The following NFE2L3 variants were observed in gnomAD, a reference collection of about 807,000 sequenced individuals.
NFE2L3 encodes NFE2 like bZIP transcription factor 3.
A neutral mutation model predicts 23.5 loss-of-function variants in NFE2L3; 18 were observed. That is an observed-to-expected ratio of 0.77 (90% confidence interval 0.53 to 1.13). NFE2L3 has a LOEUF of 1.13. Ranked by LOEUF, NFE2L3 falls within the 50% of genes most tolerant of loss-of-function variation. The pLI is 0.00. For synonymous variants in NFE2L3, 424 were observed against 354.5 expected, an observed-to-expected ratio of 1.20 and a Z score of -2.20; for missense variants, 1,152 against 877.2, an observed-to-expected ratio of 1.31 and a Z score of -3.96.
intron 1 of NFE2L3, among the ~76,000 whole-genome samples, chr7:26,160,652 A>T (rs1784153570): frequency 6.6e-6 from 1 of 152,232 alleles, no homozygotes; most frequent in Non-Finnish European, 1.5e-5. Context: ...TTTTGCTCTT[A>T]AAGCTCTCCA....
intron 1 of NFE2L3, among the ~76,000 whole-genome samples, chr7:26,159,066 G>A (rs890401307): frequency 2.6e-5 from 4 of 152,152 alleles, no homozygotes; most frequent in African/African-American, 7.2e-5. Context: ...ACCTTGGTTC[G>A]TCTCTCTGCG....
In NFE2L3 at chr7:26,184,781, G is replaced by A; in HGVS notation, c.1083G>A (p.Leu361=). 1.9e-6 allele frequency: 3 copies of A among 1,613,880 alleles called. No homozygotes were observed. The highest frequency in any genetic ancestry group is 1.7e-6 in the Non-Finnish European group (2 of 1,179,838). The change falls in exon 4 of 4, where the codon TTG becomes TTA. Residue 361 remains leucine, a synonymous_variant. Transcript: ENST00000056233. ...AGCAAACCCTTCCTGGAACTAATTT[G>A]ACAGGATTTCTTTCACCGGTTGACA... ...NPEQTLPGTN[L]TGFLSPVDNH... is the part of the protein sequence containing the mutation.
rs1260118193 is a variant in NFE2L3, at chr7:26,185,517, G to A, written c.1819G>A (p.Glu607Lys). Reference protein sequence around the residue: ...KRKLDIILNLEDDVCNLQAKK... With the variant: ...KRKLDIILNLKDDVCNLQAKK... The stretch of plus-strand genomic sequence containing the variant: ...CAAATTGGACATAATTTTGAATTTA[G>A]AAGATGATGTATGTAACTTGCAAGC... The change falls in exon 4 of 4, where the codon GAA (glutamate) becomes AAA (lysine). Residue 607 changes from glutamate (E) to lysine (K), a missense_variant. Coordinates refer to ENST00000056233, the MANE Select transcript of NFE2L3 (RefSeq NM_004289.7). 1 of 1,613,874 alleles carries A rather than the reference G, an allele frequency of 6.2e-7. No individual in the cohort carries two copies.
chr7:26,162,624 C>T (rs1267670339), intron 1 of NFE2L3, among the ~76,000 whole-genome samples: 1 of 152,128 alleles, frequency 6.6e-6, no homozygotes, highest in Non-Finnish European at 1.5e-5. Context: ...CTCTTATGTC[C>T]TAGCTTCACC....
At chr7:26,184,271 ATTAGAC>A (rs1282530383) in intron 3 of NFE2L3, 1 of 433,878 alleles carries the variant, frequency 2.3e-6, no homozygotes, top group Non-Finnish European at 4.1e-6. Flanking sequence ...AGATTGTAAC[ATTAGAC>A]TTTTTAAGAA....
chr7:26,167,964 G>C (rs893555374), intron 1 of NFE2L3, among the ~76,000 whole-genome samples: 1 of 151,924 alleles, frequency 6.6e-6, no homozygotes, highest in African/African-American at 2.4e-5. Context: ...TTTCCAAACA[G>C]GTGGTGTGTG....
At chr7:26,159,154 A>C in intron 1 of NFE2L3, among the ~76,000 whole-genome samples, 1 of 152,100 alleles carries the variant, frequency 6.6e-6, no homozygotes, top group East Asian at 1.9e-4. Flanking sequence ...CTTGTGGCTT[A>C]TGTGACCCAG....
At chr7:26,184,298 G>C (rs1782418066) in intron 3 of NFE2L3, 1 of 486,394 alleles carries the variant, frequency 2.1e-6, no homozygotes, top group Admixed American at 3.8e-5. Flanking sequence ...AATCCAGTCA[G>C]CTTTTATACT....
At chr7:26,177,836 T>C in intron 1 of NFE2L3, 107 bp from the exon 2 acceptor site, 1 of 928,406 alleles carries the variant, frequency 1.1e-6, no homozygotes, top group African/African-American at 1.7e-5. Flanking sequence ...AATATTGAAA[T>C]GCCGGTCTTA....
intron 2 of NFE2L3, among the ~76,000 whole-genome samples, chr7:26,182,878 C>A (rs1213930520): frequency 1.3e-5 from 2 of 152,210 alleles, no homozygotes; most frequent in African/African-American, 4.8e-5. Context: ...ACTGCAGCCT[C>A]AACCTCCTGG....
chr7:26,171,341 C>T (rs949829206), intron 1 of NFE2L3, among the ~76,000 whole-genome samples: 3 of 152,020 alleles, frequency 2.0e-5, no homozygotes, highest in Non-Finnish European at 4.4e-5. Flanking sequence ...GTCAGGAGTT[C>T]GAGACCAACT....
At position 26,185,169 on chromosome 7, in the gene NFE2L3, T is replaced by C. The variant is rs750633448; in HGVS notation, c.1471T>C (p.Phe491Leu). 1 of 1,613,872 alleles carries C rather than the reference T, an allele frequency of 6.2e-7. No individual in the cohort carries two copies. The highest frequency in any genetic ancestry group is 8.5e-7 in the Non-Finnish European group (1 of 1,179,836). ...TTCTGATTTCCATGGAGATCTTACATTTCAACACGTATTTCATAACCACAC... is the reference window on the plus strand; with the variant it reads ...TTCTGATTTCCATGGAGATCTTACACTTCAACACGTATTTCATAACCACAC... ...SDSDFHGDLT[F>L]QHVFHNHTYH... The change falls in exon 4 of 4, where the codon TTT becomes CTT. Residue 491 changes from phenylalanine (F) to leucine (L), a missense_variant. Physicochemically the swap from Phe to Leu is conservative, Grantham distance 22. Transcript: ENST00000056233.
rs1280239595 is a variant in NFE2L3 at position 26,157,344 on chromosome 7, A to ATT, written c.570+4289_570+4290dup. Among the ~76,000 whole-genome samples, 139 of 143,368 alleles carry ATT rather than the reference A, an allele frequency of 9.7e-4. 1 individual carries two copies. The highest frequency in any genetic ancestry group is 3.5e-3 in the African/African-American group (137 of 39,284). The allele number at this position is 143,368 out of a possible 152,430, so 94.1% of individuals were successfully genotyped here. A position where few individuals can be genotyped will look rare whatever the true frequency, so the allele number is the denominator to read the frequency against. On this transcript the variant is annotated intron_variant, in intron 1 of 3. Transcript: ENST00000056233. Reference sequence around the variant, plus strand: ...AGACGCGCACCACTGCTTCTGGCTGATTTTTTTTTTTTTTAATAGAAATAA... The same window carrying ATT: ...AGACGCGCACCACTGCTTCTGGCTGATTTTTTTTTTTTTTTTAATAGAAATAA...
chr7:26,184,087 C>T (rs1583941006), intron 3 of NFE2L3: 1 of 404,602 alleles, frequency 2.5e-6, no homozygotes, highest in East Asian at 4.8e-5. Context: ...CACCTGCACC[C>T]CCATGTTTAT....
Position 26,185,015 on chromosome 7 carries a change from C to T in NFE2L3, c.1317C>T (p.His439=), listed in dbSNP as rs931286821. The T allele has an allele frequency of 6.2e-7, 1 of 1,613,672 alleles. No homozygotes were observed. The highest frequency in any genetic ancestry group is 8.5e-7 in the Non-Finnish European group (1 of 1,179,810). Residue 439 remains histidine (H), a synonymous_variant, in exon 4 of 4, where the codon CAC becomes CAT. Transcript: ENST00000056233. ...NTSVIKSNSS[H]SVCDEGAIGY... Reference sequence around the variant, plus strand: ...CTGTCATCAAGTCTAATTCCTCTCACTCTGTGTGTGATGAAGGTGCTATAG... The same window carrying T: ...CTGTCATCAAGTCTAATTCCTCTCATTCTGTGTGTGATGAAGGTGCTATAG...
rs373375204 is a variant in NFE2L3, at chr7:26,160,582, G to A, written c.570+7514G>A. Among the ~76,000 whole-genome samples, 7 of 152,198 alleles carry A rather than the reference G, an allele frequency of 4.6e-5. No homozygotes were observed. The East Asian group carries it at 1.2e-3, about 25-fold the overall frequency. On this transcript the variant is annotated intron_variant, in intron 1 of 3. Coordinates refer to ENST00000056233, the MANE Select transcript of NFE2L3 (RefSeq NM_004289.7). ...GGCACCCAGAAACTCTGGAAGCTCC[G>A]CAGGAGCTGCAATGCTACAGGCTTC...
At chr7:26,177,527 A>G (rs895710394) in intron 1 of NFE2L3, among the ~76,000 whole-genome samples, 1 of 152,052 alleles carries the variant, frequency 6.6e-6, no homozygotes, top group African/African-American at 2.4e-5. Flanking sequence ...AGCCCGAGGC[A>G]GGGAGGTTGC....
rs183920667 is a variant in NFE2L3 at position 26,182,287 on chromosome 7, A to G, written c.751-1414A>G. Reference sequence around the variant, plus strand: ...GTACTGAGGGAAAACATTAAACCTTATATTTTTACCAGTTAACTCATCATT... The same window carrying G: ...GTACTGAGGGAAAACATTAAACCTTGTATTTTTACCAGTTAACTCATCATT... On this transcript the variant is annotated intron_variant, in intron 2 of 3. Coordinates refer to ENST00000056233, the MANE Select transcript of NFE2L3 (RefSeq NM_004289.7). Among the ~76,000 whole-genome samples, 6 of 148,738 alleles carry G rather than the reference A, an allele frequency of 4.0e-5. No homozygotes were observed. The East Asian group carries it at 8.0e-4, about 20-fold the overall frequency.
At chr7:26,154,914 A>G (rs760200052) in intron 1 of NFE2L3, among the ~76,000 whole-genome samples, 1 of 152,194 alleles carries the variant, frequency 6.6e-6, no homozygotes, top group African/African-American at 2.4e-5. Context: ...CTCTGAATCC[A>G]GCTTTCCTAG....
Sources: allele counts gnomAD v4.1 joint callset (sites outside exome capture counted in the v4.1 genomes callset), GRCh38; gene constraint gnomAD v4.1.1; transcripts MANE v1.5; gene names NCBI Gene and HGNC (gene_info 2026-07-23, HGNC 2026-07-21).